Variants in HECW1 observed in about 807,000 individuals in gnomAD.
HECW1 encodes the protein HECT, C2 and WW domain containing E3 ubiquitin protein ligase 1.
Under a neutral mutation model 182.3 loss-of-function variants are expected in HECW1, and 61 were observed. The ratio of observed to expected loss-of-function variants is 0.33; its 90% CI spans 0.27 to 0.41. The LOEUF is 0.41. Among genes scored for constraint, HECW1 ranks in the 10% least tolerant of loss-of-function variants. HECW1 has a pLI of 1.00. For synonymous variants in HECW1, 859 were observed against 832.6 expected, an observed-to-expected ratio of 1.03 and a Z score of -0.55; for missense variants, 1,739 against 2,108.9, an observed-to-expected ratio of 0.82 and a Z score of 3.44.
At chr7:43,204,712 G>C (rs1795302587) in intron 2 of HECW1, among the ~76,000 whole-genome samples, 1 of 152,216 alleles carries the variant, frequency 6.6e-6, no homozygotes, top group African/African-American at 2.4e-5. Flanking sequence ...TGTGCTAAAG[G>C]AAAGGGACTA....
chr7:43,226,889 A>G (rs12702026), intron 2 of HECW1, among the ~76,000 whole-genome samples: 80,585 of 152,128 alleles, frequency 0.53, 21,767 homozygotes, highest in Middle Eastern at 0.59. Context: ...TGGGGGCTCC[A>G]GAACACAGGA....
chr7:43,451,377 T>G (rs2077230566), intron 12 of HECW1, among the ~76,000 whole-genome samples: 1 of 152,226 alleles, frequency 6.6e-6, no homozygotes, highest in Non-Finnish European at 1.5e-5. Context: ...CATGAACTTG[T>G]ACTTTCCTTA....
intron 3 of HECW1, among the ~76,000 whole-genome samples, chr7:43,263,787 A>G (rs958526911): frequency 6.6e-6 from 1 of 152,172 alleles, no homozygotes; most frequent in African/African-American, 2.4e-5. Flanking sequence ...AAGAAAGAGA[A>G]AGAAGAAGAG....
intron 16 of HECW1, among the ~76,000 whole-genome samples, chr7:43,476,814 C>A (rs2078234503): frequency 6.6e-6 from 1 of 152,048 alleles, no homozygotes; most frequent in Admixed American, 6.5e-5. Flanking sequence ...TAACGATTAA[C>A]TCACCTAAAC....
intron 5 of HECW1, among the ~76,000 whole-genome samples, chr7:43,351,978 C>A (rs1039797021): frequency 6.6e-6 from 1 of 152,126 alleles, no homozygotes; most frequent in African/African-American, 2.4e-5. Context: ...CAGAGCTTTC[C>A]TTTTTGACAG....
intron 5 of HECW1, among the ~76,000 whole-genome samples, chr7:43,356,912 A>G (rs1362856356): frequency 2.6e-5 from 4 of 152,252 alleles, no homozygotes; most frequent in Admixed American, 2.6e-4. Flanking sequence ...TCTGATTTTT[A>G]AGTAGCATCT....
chr7:43,411,578 A>G (rs1225108409), intron 8 of HECW1, among the ~76,000 whole-genome samples: 4 of 152,214 alleles, frequency 2.6e-5, no homozygotes, highest in Non-Finnish European at 5.9e-5. Flanking sequence ...CACAAGAAGC[A>G]TGTTTAAATC....
chr7:43,177,291 C>T (rs1792357703), intron 2 of HECW1, among the ~76,000 whole-genome samples: 4 of 152,172 alleles, frequency 2.6e-5, no homozygotes, highest in Admixed American at 2.6e-4. Context: ...CAGCACTCTT[C>T]TCTCTGATCA....
rs1562985142 is a variant in HECW1, at chr7:43,444,899, G to GCAGCGCGGCAGAGGAGGAGGA, written c.1729_1749dup (p.Ser577_Asp583dup). 1.2e-6 allele frequency: 2 copies of GCAGCGCGGCAGAGGAGGAGGA among 1,602,732 alleles called. No individual in the cohort carries two copies. Among genetic ancestry groups the GCAGCGCGGCAGAGGAGGAGGA allele is most frequent in the Non-Finnish European group, 1.7e-6 (2 of 1,173,372 alleles). ...CACAGCATGCCCTCCGCCCAGGGCG[G>GCAGCGCGGCAGAGGAGGAGGA]CAGCGCGGCAGAGGAGGAGGACGGC... On this transcript the variant is annotated inframe_insertion, in exon 11 of 30. Coordinates refer to ENST00000395891, the MANE Select transcript of HECW1 (RefSeq NM_015052.5). This position sits in a 1 kb window ranked among gnomAD's most constrained non-coding sequence, Gnocchi z 4.3.
intron 8 of HECW1, among the ~76,000 whole-genome samples, chr7:43,428,704 A>C (rs1221853238): frequency 6.6e-6 from 1 of 152,236 alleles, no homozygotes; most frequent in Admixed American, 6.5e-5. Flanking sequence ...GCAGAAGGCA[A>C]AGTTAGAATA....
rs780552522 is a variant in HECW1 at position 43,552,312 on chromosome 7, C to T, written c.4486C>T (p.Arg1496Trp). Residue 1496 changes from arginine to tryptophan, a missense_variant, in exon 28 of 30, where the codon CGG becomes TGG. By Grantham distance (101) the Arg-to-Trp change is moderately radical (BLOSUM62 -3). Coordinates refer to ENST00000395891, the MANE Select transcript of HECW1 (RefSeq NM_015052.5). The part of the protein sequence containing the change: ...GTAEIDLNDW[R>W]NNTEYRGGYH... Reference sequence around the variant, plus strand: ...CGCGGAAATCGACCTAAATGACTGGCGGAATAACACTGAGTACCGGGGAGG... The same window carrying T: ...CGCGGAAATCGACCTAAATGACTGGTGGAATAACACTGAGTACCGGGGAGG... The T allele has an allele frequency of 7.4e-6, 12 of 1,611,430 alleles. No homozygotes were observed. The highest frequency in any genetic ancestry group is 4.0e-5 in the African/African-American group (3 of 74,798).
intron 7 of HECW1, among the ~76,000 whole-genome samples, chr7:43,403,141 C>T (rs1227247888): frequency 1.3e-5 from 2 of 152,096 alleles, no homozygotes; most frequent in African/African-American, 4.8e-5. Context: ...TGGCTGAGGA[C>T]CCCCTGTAAC....
chr7:43,407,491 G>A (rs2075650405), intron 7 of HECW1, 71 bp from the exon 8 acceptor site: 3 of 1,118,598 alleles, frequency 2.7e-6, no homozygotes, highest in South Asian at 1.5e-5. Flanking sequence ...CTCATGAAAG[G>A]TGTGGTTACC....
At chr7:43,233,933 A>G (rs866619687) in intron 2 of HECW1, among the ~76,000 whole-genome samples, 2 of 152,236 alleles carry the variant, frequency 1.3e-5, no homozygotes, top group South Asian at 2.1e-4. Context: ...ATGGAAATAG[A>G]TTGCAGCTTC....
At chr7:43,150,146 A>G (rs751919123) in intron 2 of HECW1, among the ~76,000 whole-genome samples, 29 of 152,222 alleles carry the variant, frequency 1.9e-4, no homozygotes, top group Non-Finnish European at 4.0e-4. Flanking sequence ...GTTCTGCCCA[A>G]TAACCCTATT....
intron 6 of HECW1, among the ~76,000 whole-genome samples, chr7:43,370,551 G>A (rs1817207700): frequency 6.6e-6 from 1 of 152,124 alleles, no homozygotes; most frequent in Non-Finnish European, 1.5e-5. Context: ...ATCTTCACAT[G>A]TTTACAGCAG....
intron 2 of HECW1, among the ~76,000 whole-genome samples, chr7:43,233,502 C>T (rs999474891): frequency 5.3e-5 from 8 of 152,168 alleles, no homozygotes; most frequent in African/African-American, 1.9e-4. Context: ...GGTGGTGGTG[C>T]AGTCCATTTA....
intron 2 of HECW1, among the ~76,000 whole-genome samples, chr7:43,155,857 G>GT (rs1789826495): frequency 1.3e-5 from 2 of 152,326 alleles, no homozygotes; most frequent in South Asian, 2.1e-4. Flanking sequence ...TCTTACAGGT[G>GT]TAACAGCAGA....
At position 43,235,447 on chromosome 7, in the gene HECW1, G is replaced by A. The variant is rs373596328; in HGVS notation, c.-31-8428G>A. Among the ~76,000 whole-genome samples, 4 of 152,308 alleles carry A rather than the reference G, an allele frequency of 2.6e-5. No individual in the cohort carries two copies. The East Asian group carries it at 5.8e-4, about 22-fold the overall frequency. On this transcript the variant is annotated intron_variant, in intron 2 of 29. Coordinates refer to ENST00000395891, the MANE Select transcript of HECW1 (RefSeq NM_015052.5). ...TCTTTAAAACTGCGGAATAAGAGAG[G>A]CATCCTTGGCCCAAGCCTATGATAA...
Sources: gnomAD v4.1 joint callset for allele counts (sites outside exome capture counted in the v4.1 genomes callset) on GRCh38, gnomAD v4.1.1 for gene constraint, Gnocchi (gnomAD v3.1) non-coding constraint, MANE v1.5 for transcripts, NCBI Gene and HGNC (gene_info 2026-07-23, HGNC 2026-07-21) for gene names.